GABBR2: variants seen among roughly 807,000 people sequenced by gnomAD.
GABBR2 encodes gamma-aminobutyric acid type B receptor subunit 2.
In GABBR2, 23 loss-of-function variants were observed where a neutral mutation model predicts 105.6. The observed-to-expected ratio is 0.22, with a 90% confidence interval of 0.16 to 0.31. The LOEUF is 0.31. Ranked by LOEUF, GABBR2 falls within the 10% of genes least tolerant of loss-of-function variation. The pLI is 1.00. For synonymous variants in GABBR2, 478 were observed against 499.7 expected (o/e 0.96, Z 0.58); for missense variants, 734 against 1,245.5 (o/e 0.59, Z 6.18).
chr9:98,363,977 A>C (rs1481935574), intron 12 of GABBR2, among the ~76,000 whole-genome samples: 1 of 152,212 alleles, frequency 6.6e-6, no homozygotes, highest in Non-Finnish European at 1.5e-5. Flanking sequence ...GCAGAAGCTT[A>C]AGAAATATCA....
intron 8 of GABBR2, among the ~76,000 whole-genome samples, chr9:98,401,910 C>T (rs1832401263): frequency 6.6e-6 from 1 of 152,280 alleles, no homozygotes; most frequent in South Asian, 2.1e-4. Context: ...CTGGCAGATG[C>T]TCAGGAAATG....
intron 3 of GABBR2, among the ~76,000 whole-genome samples, chr9:98,536,981 C>A (rs958272977): frequency 6.6e-6 from 1 of 152,210 alleles, no homozygotes. Context: ...ACTTTGAGCT[C>A]AAGGTCTCCC....
chr9:98,560,797 T>C (rs888661961), intron 2 of GABBR2, among the ~76,000 whole-genome samples: 1 of 148,062 alleles, frequency 6.8e-6, no homozygotes, highest in African/African-American at 2.5e-5. Flanking sequence ...TATATATATA[T>C]ACATAGACAC....
intron 13 of GABBR2, among the ~76,000 whole-genome samples, chr9:98,345,610 A>G (rs1466035576): frequency 6.6e-6 from 1 of 152,244 alleles, no homozygotes; most frequent in Non-Finnish European, 1.5e-5. Context: ...TTAATGCAGT[A>G]AGTCAAGAAA....
At chr9:98,622,934 A>G (rs573311281) in intron 1 of GABBR2, among the ~76,000 whole-genome samples, 1 of 152,180 alleles carries the variant, frequency 6.6e-6, no homozygotes, top group South Asian at 2.1e-4. Flanking sequence ...CACAGAATGT[A>G]CAACACTATG....
intron 4 of GABBR2, among the ~76,000 whole-genome samples, chr9:98,495,230 G>A (rs1827254071): frequency 6.6e-6 from 1 of 152,226 alleles, no homozygotes; most frequent in African/African-American, 2.4e-5. Flanking sequence ...CAACTGATAT[G>A]TTGCTTCCCT....
chr9:98,384,343 T>C (rs1832033492), intron 11 of GABBR2, among the ~76,000 whole-genome samples: 1 of 151,940 alleles, frequency 6.6e-6, no homozygotes, highest in Non-Finnish European at 1.5e-5. Context: ...TTTAAAAAAA[T>C]AACTAGGGAG....
chr9:98,560,492 CACAT>C (rs1828657274), intron 2 of GABBR2, among the ~76,000 whole-genome samples: 1 of 150,210 alleles, frequency 6.7e-6, no homozygotes, highest in Non-Finnish European at 1.5e-5. Context: ...TACACACACA[CACAT>C]ACACACAAAA....
intron 13 of GABBR2, among the ~76,000 whole-genome samples, chr9:98,346,939 C>T (rs1185841560): frequency 6.6e-6 from 1 of 152,066 alleles, no homozygotes; most frequent in South Asian, 2.1e-4. Context: ...AATAGTATCC[C>T]ATTGTGTATA....
intron 1 of GABBR2, among the ~76,000 whole-genome samples, chr9:98,597,256 G>T (rs1422929956): frequency 6.6e-6 from 1 of 152,148 alleles, no homozygotes; most frequent in Non-Finnish European, 1.5e-5. Flanking sequence ...GCACAACAGA[G>T]CATACAGAAT....
intron 6 of GABBR2, among the ~76,000 whole-genome samples, chr9:98,457,599 C>T (rs192311616): frequency 1.3e-5 from 2 of 152,164 alleles, no homozygotes; most frequent in South Asian, 2.1e-4. Context: ...GCCAAGAACA[C>T]TGGAAACACG....
intron 3 of GABBR2, among the ~76,000 whole-genome samples, chr9:98,532,185 T>G (rs1475953904): frequency 6.6e-6 from 1 of 152,140 alleles, no homozygotes; most frequent in Non-Finnish European, 1.5e-5. Flanking sequence ...CTCTGGGAAA[T>G]AATGGACCTA....
intron 12 of GABBR2, among the ~76,000 whole-genome samples, chr9:98,366,149 G>A (rs1371731980): frequency 6.6e-6 from 1 of 152,120 alleles, no homozygotes; most frequent in Admixed American, 6.5e-5. Context: ...TCTAGAACAT[G>A]GGGATAATAT....
chr9:98,589,483 T>C (rs1186356172), intron 1 of GABBR2, among the ~76,000 whole-genome samples: 1 of 152,162 alleles, frequency 6.6e-6, no homozygotes, highest in Non-Finnish European at 1.5e-5. Context: ...CAAACATCCT[T>C]AAACGCCTGC....
chr9:98,653,594 T>G (rs1436694720), intron 1 of GABBR2, among the ~76,000 whole-genome samples: 2 of 152,152 alleles, frequency 1.3e-5, no homozygotes, highest in Non-Finnish European at 2.9e-5. Flanking sequence ...AAACAGAAAT[T>G]TCTAACTTCT....
intron 7 of GABBR2, among the ~76,000 whole-genome samples, chr9:98,435,176 G>A (rs1825880370): frequency 6.6e-6 from 1 of 152,140 alleles, no homozygotes; most frequent in Non-Finnish European, 1.5e-5. Flanking sequence ...TGTGGGATCA[G>A]GCCAAAGAGC....
At chr9:98,700,460 A>T (rs551097105) in intron 1 of GABBR2, among the ~76,000 whole-genome samples, 1 of 152,006 alleles carries the variant, frequency 6.6e-6, no homozygotes, top group East Asian at 1.9e-4. Context: ...CTGATAGGAA[A>T]CTCATGTAAT....
At chr9:98,697,196 A>T (rs912208708) in intron 1 of GABBR2, among the ~76,000 whole-genome samples, 4 of 152,262 alleles carry the variant, frequency 2.6e-5, no homozygotes, top group African/African-American at 9.6e-5. Context: ...AATGCAGACA[A>T]TAAGAGCAAG....
At chr9:98,648,116 T>TGTGTGTGTGTGTGTGTGTAG in intron 1 of GABBR2, among the ~76,000 whole-genome samples, 2 of 55,950 alleles carry the variant, frequency 3.6e-5, no homozygotes, top group East Asian at 4.6e-4. Context: ...TGTGTGTGTG[T>TGTGTGTGTGTGTGTGTGTAG]ATAGATAGAT....
Sources: gnomAD v4.1 joint callset for allele counts (sites outside exome capture counted in the v4.1 genomes callset) on GRCh38, gnomAD v4.1.1 for gene constraint, MANE v1.5 for transcripts, NCBI Gene and HGNC (gene_info 2026-07-23, HGNC 2026-07-21) for gene names.